TTLL5: variants seen among roughly 807,000 people sequenced by gnomAD.
The protein encoded by TTLL5 is tubulin polyglutamylase TTLL5.
In TTLL5, 132 loss-of-function variants were observed where a neutral mutation model predicts 168.4. The observed-to-expected ratio is 0.78, with a 90% CI of 0.68 to 0.91. The LOEUF (loss-of-function observed/expected upper bound fraction) is 0.91. TTLL5 is among the 40% of genes least tolerant of loss of function. TTLL5 has a pLI of 0.00. For synonymous variants in TTLL5, 546 were observed against 558.6 expected (o/e 0.98, Z 0.32); for missense variants, 1,545 against 1,581.5 (o/e 0.98, Z 0.39).
intron 27 of TTLL5, among the ~76,000 whole-genome samples, chr14:75,813,212 G>GTA (rs1679842652): frequency 6.6e-6 from 1 of 150,574 alleles, no homozygotes; most frequent in African/African-American, 2.4e-5. Context: ...GTGTGTGTGT[G>GTA]TGTGTGTGTG....
intron 26 of TTLL5, among the ~76,000 whole-genome samples, chr14:75,787,943 G>A (rs1892466470): frequency 6.6e-6 from 1 of 152,162 alleles, no homozygotes; most frequent in African/African-American, 2.4e-5. Context: ...TGAAAAAGCT[G>A]TATGTCCAAA....
At chr14:75,780,598 G>A (rs1322414422) in intron 24 of TTLL5, among the ~76,000 whole-genome samples, 2 of 152,168 alleles carry the variant, frequency 1.3e-5, no homozygotes, top group East Asian at 3.8e-4. Flanking sequence ...CTAAGTACTA[G>A]ATTCAAAGAT....
chr14:75,914,017 G>GAAAAAAAAAAAAAAAAA (rs1201862659), intron 31 of TTLL5, among the ~76,000 whole-genome samples: 3 of 31,056 alleles, frequency 9.7e-5, no homozygotes, highest in African/African-American at 2.3e-4. Context: ...TGTTTAAAAG[G>GAAAAAAAAAAAAAAAAA]AAAAAAAAAA....
chr14:75,670,409 A>G (rs1192275911), intron 3 of TTLL5, among the ~76,000 whole-genome samples: 1 of 151,772 alleles, frequency 6.6e-6, no homozygotes, highest in Non-Finnish European at 1.5e-5. Context: ...TCGTTTGGAC[A>G]CTTAATCTTC....
At chr14:75,721,915 G>A (rs1217093094) in intron 12 of TTLL5, among the ~76,000 whole-genome samples, 2 of 152,074 alleles carry the variant, frequency 1.3e-5, no homozygotes, top group Non-Finnish European at 2.9e-5. Flanking sequence ...AAAATTATAT[G>A]GGAAAAGAAG....
intron 28 of TTLL5, among the ~76,000 whole-genome samples, chr14:75,826,199 G>A (rs1175815837): frequency 3.3e-5 from 5 of 151,958 alleles, no homozygotes; most frequent in Admixed American, 3.3e-4. Flanking sequence ...CAGTTTGCCA[G>A]TGTCAGTTTT....
At chr14:75,695,711 C>T (rs949615467) in intron 6 of TTLL5, among the ~76,000 whole-genome samples, 8 of 152,066 alleles carry the variant, frequency 5.3e-5, no homozygotes, top group African/African-American at 1.9e-4. Context: ...GGTGGTTCCC[C>T]CGATAGCCAG....
At chr14:75,793,762 C>G (rs1892850235) in intron 27 of TTLL5, among the ~76,000 whole-genome samples, 2 of 152,156 alleles carry the variant, frequency 1.3e-5, no homozygotes. Flanking sequence ...TGTGAATTCT[C>G]TTTGTCCTTC....
chr14:75,890,810 C>T (rs896079007), intron 30 of TTLL5, among the ~76,000 whole-genome samples: 1 of 152,154 alleles, frequency 6.6e-6, no homozygotes, highest in African/African-American at 2.4e-5. Context: ...GCCTCTGTCT[C>T]CCAGGTTCAA....
chr14:75,675,974 CAG>C (rs1319315813), intron 3 of TTLL5, among the ~76,000 whole-genome samples: 3 of 152,192 alleles, frequency 2.0e-5, no homozygotes, highest in African/African-American at 7.2e-5. Context: ...GCCTGTGAGC[CAG>C]AGAGCCAGTG....
intron 15 of TTLL5, among the ~76,000 whole-genome samples, chr14:75,744,137 G>A (rs755580728): frequency 6.6e-6 from 1 of 152,154 alleles, no homozygotes; most frequent in Non-Finnish European, 1.5e-5. Context: ...ATAATACCTC[G>A]TGACAATGGG....
chr14:75,930,022 C>G (rs549328679), intron 31 of TTLL5, among the ~76,000 whole-genome samples: 10 of 152,176 alleles, frequency 6.6e-5, no homozygotes, highest in Non-Finnish European at 1.5e-4. Context: ...AGCACCAAAG[C>G]AATTAAGCAG....
At position 75,792,967 on chromosome 14, in the gene TTLL5, A is replaced by G. The variant is rs1892808675; in HGVS notation, c.3038A>G (p.Glu1013Gly). 6.2e-7 allele frequency: 1 copy of G among 1,612,964 alleles called. No homozygotes were observed. The highest frequency in any genetic ancestry group is 1.7e-5 in the Admixed American group (1 of 59,976). Residue 1013 changes from glutamate to glycine, a missense_variant, in exon 27 of 32, where the codon GAG becomes GGG. Coordinates refer to ENST00000298832, the MANE Select transcript of TTLL5 (RefSeq NM_015072.5). Reference sequence around the variant, plus strand: ...TCAGGAATAGCCAAAACACAAAAAGAGGGAGAAGATGCTTCTTTATATAGC... The same window carrying G: ...TCAGGAATAGCCAAAACACAAAAAGGGGGAGAAGATGCTTCTTTATATAGC... Reference protein sequence around the residue: ...HHSGIAKTQKEGEDASLYSKR... With the variant: ...HHSGIAKTQKGGEDASLYSKR...
At chr14:75,881,932 T>C (rs1214124484) in intron 29 of TTLL5, among the ~76,000 whole-genome samples, 2 of 152,214 alleles carry the variant, frequency 1.3e-5, no homozygotes, top group African/African-American at 4.8e-5. Flanking sequence ...TGTTGACATT[T>C]GTGATGTTTA....
intron 12 of TTLL5, among the ~76,000 whole-genome samples, chr14:75,723,977 A>T (rs1027478022): frequency 2.0e-5 from 3 of 149,312 alleles, no homozygotes; most frequent in African/African-American, 7.4e-5. Context: ...CTGACTCCTA[A>T]CTTCCCCTGG....
chr14:75,921,384 C>G (rs1015674421), intron 31 of TTLL5, among the ~76,000 whole-genome samples: 2 of 152,154 alleles, frequency 1.3e-5, no homozygotes, highest in Non-Finnish European at 2.9e-5. Context: ...TTTAATCCAT[C>G]TTGAATTAAT....
chr14:75,886,614 T>A lies in TTLL5; in HGVS notation c.3740+3712T>A, dbSNP rs2032134548. On this transcript the variant is annotated intron_variant, in intron 30 of 31. Coordinates refer to ENST00000298832, the MANE Select transcript of TTLL5 (RefSeq NM_015072.5). ...TTGTCAGTTCTGTGAAGGGAATGAT[T>A]TAAAATTTTTTTTTTTACCATTTTC... is the stretch of plus-strand genomic sequence containing the variant. 5.4e-6 allele frequency: 8 copies of A among 1,481,090 alleles called. No homozygotes were observed. The South Asian group carries it at 7.3e-5, about 14-fold the overall frequency. 91.7% of individuals were successfully genotyped at this position (1,481,090 alleles called of 1,614,324 possible).
intron 31 of TTLL5, among the ~76,000 whole-genome samples, chr14:75,917,132 G>A (rs8011622): frequency 0.78 from 118,378 of 152,194 alleles, 46,148 homozygotes; most frequent in Admixed American, 0.83. Context: ...CAGCGTGAAT[G>A]CACTTAATGC....
intron 18 of TTLL5, among the ~76,000 whole-genome samples, chr14:75,756,728 G>A (rs1023800227): frequency 2.0e-5 from 3 of 152,000 alleles, no homozygotes; most frequent in Admixed American, 6.6e-5. Flanking sequence ...AGCTGATCGC[G>A]AACTCTTGGC....
Sources: gnomAD v4.1 joint callset for allele counts (sites outside exome capture counted in the v4.1 genomes callset) on GRCh38, gnomAD v4.1.1 for gene constraint, MANE v1.5 for transcripts, NCBI Gene and HGNC (gene_info 2026-07-23, HGNC 2026-07-21) for gene names.